The following CNGB1 variants were observed in gnomAD, a reference collection of about 807,000 sequenced individuals.
The protein encoded by CNGB1 is cyclic nucleotide gated channel subunit beta 1.
A neutral mutation model predicts 151.7 loss-of-function variants in CNGB1; 126 were observed. That is an observed-to-expected ratio of 0.83 (90% CI 0.72 to 0.96). The LOEUF (loss-of-function observed/expected upper bound fraction) is 0.96, where lower values mean the gene tolerates loss of function less well. CNGB1 is among the 40% of genes least tolerant of loss of function. The probability of loss-of-function intolerance (pLI) is 0.00; values close to 1 mark genes in which losing one functional copy is unlikely to be tolerated. For synonymous variants in CNGB1, 623 were observed against 635.1 expected (o/e 0.98, Z 0.29); for missense variants, 1,698 against 1,627.0 (o/e 1.04, Z -0.75).
chr16:57,947,065 G>C (rs1364663470), intron 14 of CNGB1, among the ~76,000 whole-genome samples: 1 of 152,212 alleles, frequency 6.6e-6, no homozygotes. Context: ...GCATGTGTGT[G>C]GGTATACGTG....
intron 1 of CNGB1, among the ~76,000 whole-genome samples, chr16:57,970,106 G>A (rs1962501862): frequency 6.6e-6 from 1 of 152,200 alleles, no homozygotes; most frequent in Admixed American, 6.5e-5. Context: ...GAGAGGCTGT[G>A]GTGGGAACAC....
At chr16:57,898,556 C>A (rs1331208850) in intron 29 of CNGB1, among the ~76,000 whole-genome samples, 3 of 151,964 alleles carry the variant, frequency 2.0e-5, no homozygotes, top group Non-Finnish European at 2.9e-5. Flanking sequence ...GCTGGGATTA[C>A]AAGCATGTGC....
chr16:57,964,730 C>A (rs1567399965), intron 2 of CNGB1, among the ~76,000 whole-genome samples, 186 bp from the exon 3 acceptor site: 1 of 152,170 alleles, frequency 6.6e-6, no homozygotes, highest in Non-Finnish European at 1.5e-5. Context: ...CCTCCTAGCC[C>A]CAGGGACCCC....
At chr16:57,899,232 C>T (rs78115609) in intron 29 of CNGB1, among the ~76,000 whole-genome samples, 3,007 of 152,296 alleles carry the variant, frequency 0.02, 50 homozygotes, top group Middle Eastern at 0.048. Context: ...GTCTGCCATG[C>T]GCCTTCCAAT....
chr16:57,963,370 A>T (rs1597015675), intron 4 of CNGB1, among the ~76,000 whole-genome samples: 1 of 152,210 alleles, frequency 6.6e-6, no homozygotes, highest in Non-Finnish European at 1.5e-5. Context: ...GGCCAGGCAG[A>T]CCGGGTGCCA....
intron 32 of CNGB1, among the ~76,000 whole-genome samples, chr16:57,885,518 C>T (rs1483580836): frequency 6.7e-6 from 1 of 149,518 alleles, no homozygotes; most frequent in Non-Finnish European, 1.5e-5. Context: ...TCCTTCCTTC[C>T]TTCCTTTTTT....
At chr16:57,922,427 C>CTTTTTTTT (rs202188548) in intron 18 of CNGB1, among the ~76,000 whole-genome samples, 6 of 142,088 alleles carry the variant, frequency 4.2e-5, no homozygotes, top group African/African-American at 1.7e-4. Context: ...TTCTTTCTTT[C>CTTTTTTTT]TTTCTTTTTT....
At chr16:57,959,073 T>C (rs1263120890) in intron 10 of CNGB1, among the ~76,000 whole-genome samples, 2 of 152,098 alleles carry the variant, frequency 1.3e-5, no homozygotes, top group African/African-American at 4.8e-5. Flanking sequence ...TTTAAATATA[T>C]GTATCCTTTG....
chr16:57,905,159 TGG>T (rs762613900), intron 25 of CNGB1, among the ~76,000 whole-genome samples: 6 of 152,330 alleles, frequency 3.9e-5, no homozygotes, highest in Non-Finnish European at 7.4e-5. Context: ...CAGGAAGAGT[TGG>T]CAGGAGGCCA....
chr16:57,899,943 T>C lies in CNGB1; in HGVS notation c.2976+1409A>G, dbSNP rs1012965971. ...CGTGCTCACCAAGTGCTCAATTTAA[T>C]TTGCAATCACAGACTCTAGATTCAC... On this transcript the variant is annotated intron_variant, in intron 29 of 32. Coordinates refer to ENST00000251102, the MANE Select transcript of CNGB1 (RefSeq NM_001297.5). 6.6e-5 allele frequency among the ~76,000 whole-genome samples: 10 copies of C among 152,296 alleles called. No homozygotes were observed. In the South Asian group the frequency reaches 1.0e-3, roughly 16 times the overall value.
At chr16:57,885,328 T>C (rs1959885052) in intron 32 of CNGB1, among the ~76,000 whole-genome samples, 1 of 152,050 alleles carries the variant, frequency 6.6e-6, no homozygotes, top group African/African-American at 2.4e-5. Context: ...AGTCATAGGA[T>C]ATTGAAGGAA....
chr16:57,926,811 C>G (rs1961202700), intron 17 of CNGB1, among the ~76,000 whole-genome samples: 1 of 152,120 alleles, frequency 6.6e-6, no homozygotes, highest in Admixed American at 6.5e-5. Context: ...GAAACCTCGT[C>G]TCTACTAAAA....
intron 16 of CNGB1, chr16:57,937,431 T>G (rs1390268702): frequency 6.6e-6 from 1 of 152,350 alleles, no homozygotes; most frequent in African/African-American, 2.4e-5. Context: ...ACGACCAGCC[T>G]GGTGCCTACC....
chr16:57,931,397 C>T (rs1417706312), intron 17 of CNGB1, among the ~76,000 whole-genome samples: 2 of 152,086 alleles, frequency 1.3e-5, no homozygotes, highest in African/African-American at 4.8e-5. Context: ...TCAAACGATC[C>T]ACCCACCTCA....
At chr16:57,959,310 GA>G (rs775478486) in intron 10 of CNGB1, among the ~76,000 whole-genome samples, 57 of 142,570 alleles carry the variant, frequency 4.0e-4, no homozygotes, top group East Asian at 6.1e-4. Context: ...TTCAGGTTAA[GA>G]AAAAAAAAAA....
Position 57,925,784 on chromosome 16 carries a change from T to A in CNGB1, c.1536-2404A>T, listed in dbSNP as rs376034482. On this transcript the variant is annotated intron_variant, in intron 17 of 32. Transcript: ENST00000251102. ...CTCACTGCAACCTCTGCCTCCCGGG[T>A]TCAAGCAATTCTCCTGCCTCAGCCT... 2.0e-5 allele frequency among the ~76,000 whole-genome samples: 3 copies of A among 151,694 alleles called. No individual in the cohort carries two copies. The East Asian group carries it at 5.8e-4, about 30-fold the overall frequency.
At chr16:57,936,007 C>T (rs1961498005) in intron 16 of CNGB1, among the ~76,000 whole-genome samples, 1 of 152,166 alleles carries the variant, frequency 6.6e-6, no homozygotes. Flanking sequence ...CAGCTCTGCA[C>T]CGTGTCAACC....
Position 57,920,544 on chromosome 16 carries a change from A to G in CNGB1, c.1644T>C (p.Asp548=), listed in dbSNP as rs2161703. ...CCGTGGAGGCCGCACGGTCCTGGCC[A>G]CTGTGGGAACATCACCCAAAGCTGA... ...WSDPTTPKDT[D]GQDRAASTAS... Residue 548 remains aspartate, a splice_region_variant and synonymous_variant, in exon 19 of 33, where the codon GAT becomes GAC. Coordinates refer to ENST00000251102, the MANE Select transcript of CNGB1 (RefSeq NM_001297.5). The G allele has an allele frequency of 0.031, 49,885 of 1,611,964 alleles. 5,505 individuals carry two copies. In the African/African-American group the frequency reaches 0.37, roughly 12 times the overall value.
intron 12 of CNGB1, among the ~76,000 whole-genome samples, chr16:57,951,927 T>C (rs1961958178): frequency 6.6e-6 from 1 of 152,214 alleles, no homozygotes; most frequent in Non-Finnish European, 1.5e-5. Context: ...CATCCTGAAC[T>C]AGCTGTTTCC....
Sources: gnomAD v4.1 joint callset for allele counts (sites outside exome capture counted in the v4.1 genomes callset) on GRCh38, gnomAD v4.1.1 for gene constraint, MANE v1.5 for transcripts, NCBI Gene and HGNC (gene_info 2026-07-23, HGNC 2026-07-21) for gene names.